Variants in CTNNA3 observed in about 807,000 individuals in gnomAD.
CTNNA3 encodes the protein catenin alpha-3.
Under a neutral mutation model 95.7 loss-of-function variants are expected in CTNNA3, and 76 were observed. The observed-to-expected ratio is 0.79, with a 90% CI of 0.66 to 0.96. The LOEUF is 0.96. Among genes scored for constraint, CTNNA3 ranks in the 40% least tolerant of loss-of-function variants. CTNNA3 has a pLI of 0.00. For missense variants in CTNNA3, 1,191 were observed against 1,089.8 expected (o/e 1.09, Z -1.31); for synonymous variants, 431 against 374.4 (o/e 1.15, Z -1.74).
In CTNNA3 at chr10:67,486,049, T is replaced by A. The variant is rs551004434; in HGVS notation, c.579+35793A>T. ...AAGCAACCCAAACCTAAGGGAATTTTAAAAGATAAGTTATTGGTGACATAG... is the reference window on the plus strand; with the variant it reads ...AAGCAACCCAAACCTAAGGGAATTTAAAAAGATAAGTTATTGGTGACATAG... On this transcript the variant is annotated intron_variant, in intron 5 of 17. Coordinates refer to ENST00000433211, the MANE Select transcript of CTNNA3 (RefSeq NM_013266.4). Among the ~76,000 whole-genome samples, 6 of 152,322 alleles carry A rather than the reference T, an allele frequency of 3.9e-5. No homozygotes were observed. In the South Asian group the frequency reaches 1.2e-3, roughly 32 times the overall value.
At chr10:66,446,344 T>C (rs904101945) in intron 11 of CTNNA3, among the ~76,000 whole-genome samples, 2 of 151,414 alleles carry the variant, frequency 1.3e-5, no homozygotes, top group African/African-American at 4.9e-5. Context: ...ATCATCCTGA[T>C]ACCAAAGCCT....
intron 5 of CTNNA3, among the ~76,000 whole-genome samples, chr10:67,343,535 T>C (rs1228599369): frequency 6.6e-6 from 1 of 152,146 alleles, no homozygotes; most frequent in Non-Finnish European, 1.5e-5. Context: ...TGGGATTCCA[T>C]TTTAATATTT....
At chr10:66,185,779 T>G (rs560916781) in intron 13 of CTNNA3, among the ~76,000 whole-genome samples, 1 of 152,146 alleles carries the variant, frequency 6.6e-6, no homozygotes, top group South Asian at 2.1e-4. Context: ...ATATGGGTAA[T>G]ACTTTACAGA....
intron 13 of CTNNA3, among the ~76,000 whole-genome samples, chr10:66,164,625 T>C (rs2133944430): frequency 6.6e-6 from 1 of 152,056 alleles, no homozygotes; most frequent in Non-Finnish European, 1.5e-5. Flanking sequence ...AATCCCAACG[T>C]GAACTAGAAA....
intron 7 of CTNNA3, among the ~76,000 whole-genome samples, chr10:67,171,918 T>C (rs1181924885): frequency 1.3e-5 from 2 of 151,892 alleles, no homozygotes; most frequent in Non-Finnish European, 2.9e-5. Flanking sequence ...AGGAAAAAAA[T>C]ATTGGGAGTT....
At chr10:67,558,463 A>T (rs1841339168) in intron 3 of CTNNA3, among the ~76,000 whole-genome samples, 1 of 152,232 alleles carries the variant, frequency 6.6e-6, no homozygotes, top group African/African-American at 2.4e-5. Context: ...GATATATGTC[A>T]AAGTGTTCTG....
At chr10:67,296,717 T>A (rs1393438417) in intron 5 of CTNNA3, among the ~76,000 whole-genome samples, 2 of 151,892 alleles carry the variant, frequency 1.3e-5, no homozygotes, top group Non-Finnish European at 2.9e-5. Flanking sequence ...GAAGAACACC[T>A]GAGGTCAGGA....
upstream of CTNNA3, among the ~76,000 whole-genome samples, chr10:67,697,969 CA>C (rs1251560740): frequency 6.6e-5 from 10 of 152,154 alleles, no homozygotes; most frequent in Non-Finnish European, 1.3e-4. Flanking sequence ...GGGTAGGAGA[CA>C]AAAGCAGAGA....
At position 66,367,874 on chromosome 10, in the gene CTNNA3, AATAATAATTATT is replaced by A. The variant is rs1166794709; in HGVS notation, c.1732+11266_1732+11277del. ...TTATAATAATAATAATAATAATAAT[AATAATAATTATT>A]ATTATTATTATTATTATTATTATTA... On this transcript the variant is annotated intron_variant, in intron 12 of 17. Transcript: ENST00000433211. 8.1e-3 allele frequency among the ~76,000 whole-genome samples: 348 copies of A among 42,826 alleles called. 3 individuals are homozygous for A. The highest frequency in any genetic ancestry group is 0.017 in the Middle Eastern group (1 of 60). 28.1% of individuals were successfully genotyped at this position (42,826 alleles called of 152,430 possible).
At chr10:67,747,143 C>A (rs1363945349) in intron 1 of CTNNA3, among the ~76,000 whole-genome samples, 2 of 152,202 alleles carry the variant, frequency 1.3e-5, no homozygotes, top group Non-Finnish European at 2.9e-5. Context: ...TGGGCCTGAG[C>A]CCCTAGTGGG....
intron 7 of CTNNA3, among the ~76,000 whole-genome samples, chr10:66,905,587 G>A (rs138143367): frequency 1.0e-3 from 153 of 152,128 alleles, no homozygotes; most frequent in African/African-American, 3.4e-3. Context: ...AGCAATATTC[G>A]TAATAGTCAA....
chr10:66,387,592 T>C (rs2441721), intron 11 of CTNNA3, among the ~76,000 whole-genome samples: 97,313 of 151,926 alleles, frequency 0.64, 32,699 homozygotes, highest in East Asian at 0.88. Context: ...ATCCCATTAC[T>C]GGGTATATAT....
chr10:66,394,720 T>C (rs1373415264), intron 11 of CTNNA3, among the ~76,000 whole-genome samples: 1 of 152,026 alleles, frequency 6.6e-6, no homozygotes, highest in Non-Finnish European at 1.5e-5. Context: ...TGTTGCTCGA[T>C]TGTCTTATAA....
intron 15 of CTNNA3, among the ~76,000 whole-genome samples, chr10:66,003,917 G>A (rs563806813): frequency 2.4e-4 from 37 of 152,280 alleles, no homozygotes; most frequent in African/African-American, 8.7e-4. Flanking sequence ...GCATGGACAT[G>A]CCCATAATTG....
intron 15 of CTNNA3, among the ~76,000 whole-genome samples, chr10:65,995,090 T>C (rs560616379): frequency 6.6e-6 from 1 of 152,222 alleles, no homozygotes; most frequent in South Asian, 2.1e-4. Flanking sequence ...TTTATCTGTG[T>C]TCTATTGTAT....
At chr10:66,172,295 T>A (rs2085471602) in intron 13 of CTNNA3, among the ~76,000 whole-genome samples, 2 of 152,170 alleles carry the variant, frequency 1.3e-5, no homozygotes, top group South Asian at 4.1e-4. Flanking sequence ...AATGATCTTT[T>A]CATTAGTTTA....
chr10:66,801,901 A>G (rs1564692420), intron 7 of CTNNA3, among the ~76,000 whole-genome samples: 1 of 151,754 alleles, frequency 6.6e-6, no homozygotes, highest in Non-Finnish European at 1.5e-5. Context: ...AAAAGTATAA[A>G]TAAGTACATC....
At chr10:66,854,802 T>C (rs908884289) in intron 7 of CTNNA3, among the ~76,000 whole-genome samples, 1 of 151,648 alleles carries the variant, frequency 6.6e-6, no homozygotes, top group Non-Finnish European at 1.5e-5. Flanking sequence ...TAGTTAAATC[T>C]AGAGACATAG....
intron 5 of CTNNA3, among the ~76,000 whole-genome samples, chr10:67,369,763 TAA>T (rs1809034083): frequency 1.3e-5 from 2 of 152,152 alleles, no homozygotes; most frequent in Admixed American, 6.5e-5. Context: ...TAACACTAGA[TAA>T]TATCTTTTGC....
Sources: gnomAD v4.1 joint callset for allele counts (sites outside exome capture counted in the v4.1 genomes callset) on GRCh38, gnomAD v4.1.1 for gene constraint, MANE v1.5 for transcripts, NCBI Gene and HGNC (gene_info 2026-07-23, HGNC 2026-07-21) for gene names.